TWIST2: variants seen among roughly 807,000 people sequenced by gnomAD.
TWIST2 encodes twist-related protein 2.
A neutral mutation model predicts 11.6 loss-of-function variants in TWIST2; 1 was observed. That is an observed-to-expected ratio of 0.09 (90% CI 0.03 to 0.41). The LOEUF is 0.41. Ranked by LOEUF, TWIST2 falls within the 10% of genes least tolerant of loss-of-function variation. TWIST2 has a pLI of 0.98. For missense variants in TWIST2, 168 were observed against 226.4 expected (o/e 0.74, Z 1.66); for synonymous variants, 87 against 96.6 (o/e 0.90, Z 0.58).
intron 1 of TWIST2, among the ~76,000 whole-genome samples, chr2:238,908,056 A>G (rs924686981): frequency 7.9e-4 from 110 of 139,974 alleles, no homozygotes; most frequent in African/African-American, 3.0e-3. Flanking sequence ...TACACACACA[A>G]AGTCACGCCA....
chr2:238,881,289 ATGTTAGTATCTATTAGTATTAG>A (rs1453420041), intron 1 of TWIST2, among the ~76,000 whole-genome samples: 1 of 144,262 alleles, frequency 6.9e-6, no homozygotes, highest in Non-Finnish European at 1.5e-5. Flanking sequence ...ATTAGTATTA[ATGTTAGTATCTATTAGTATTAG>A]TGTTAGTGTT....
chr2:238,908,127 T>C (rs1251202943), intron 1 of TWIST2, among the ~76,000 whole-genome samples: 1 of 134,974 alleles, frequency 7.4e-6, no homozygotes, highest in Non-Finnish European at 1.6e-5. Flanking sequence ...CACATACACA[T>C]AGATACCATA....
At chr2:238,909,542 G>A (rs1297748050) in intron 1 of TWIST2, among the ~76,000 whole-genome samples, 2 of 152,158 alleles carry the variant, frequency 1.3e-5, no homozygotes, top group African/African-American at 4.8e-5. Context: ...CTGAGCACGG[G>A]CCAGGGAGAG....
rs139565765 is a variant in TWIST2 at position 238,861,669 on chromosome 2, G to A, written c.*35+12936G>A. Among the ~76,000 whole-genome samples the A allele has an allele frequency of 6.7e-4, 102 of 152,302 alleles. 3 individuals carry two copies. In the East Asian group the frequency reaches 0.017, roughly 26 times the overall value. Reference sequence around the variant, plus strand: ...CCTTTTAGCACACCTGCCACCACCTGACTAACAGCAAAGCCAGGCTTCCTG... The same window carrying A: ...CCTTTTAGCACACCTGCCACCACCTAACTAACAGCAAAGCCAGGCTTCCTG... On this transcript the variant is annotated intron_variant, in intron 1 of 1. Transcript: ENST00000612363.
At chr2:238,853,395 G>A (rs1692274742) in intron 1 of TWIST2, among the ~76,000 whole-genome samples, 1 of 150,634 alleles carries the variant, frequency 6.6e-6, no homozygotes, top group Non-Finnish European at 1.5e-5. Context: ...GAGAGAGAGA[G>A]AGAGAGAGGG....
Position 238,866,153 on chromosome 2 carries a change from T to C in TWIST2, c.*35+17420T>C, listed in dbSNP as rs1574751574. ...CCCATTTCACCTGCTGCCAGCAGGA[T>C]GGCCAGGCCTGCCAGGCACCGCCCA... On this transcript the variant is annotated intron_variant, in intron 1 of 1. Transcript: ENST00000612363. The surrounding 1 kb of genome is among the most constrained non-coding windows in gnomAD (Gnocchi z 4.9). 6.6e-6 allele frequency among the ~76,000 whole-genome samples: 1 copy of C among 152,222 alleles called. No homozygotes were observed. The highest frequency in any genetic ancestry group is 1.9e-4 in the East Asian group (1 of 5,172).
At chr2:238,906,551 C>T (rs1282451005) in intron 1 of TWIST2, among the ~76,000 whole-genome samples, 2 of 152,038 alleles carry the variant, frequency 1.3e-5, no homozygotes, top group African/African-American at 2.4e-5. Flanking sequence ...CCAACTTACA[C>T]GATACACATG....
At chr2:238,871,588 CCA>C (rs765832962) in intron 1 of TWIST2, among the ~76,000 whole-genome samples, 5 of 131,390 alleles carry the variant, frequency 3.8e-5, no homozygotes, top group Non-Finnish European at 8.2e-5. Context: ...CTGACACACA[CCA>C]CACACACAGC....
At chr2:238,875,603 C>T (rs1294447384) in intron 1 of TWIST2, among the ~76,000 whole-genome samples, 3 of 152,106 alleles carry the variant, frequency 2.0e-5, no homozygotes, top group African/African-American at 7.2e-5. Flanking sequence ...GGTTGGCTTC[C>T]AGTGGGCTGG....
At chr2:238,861,377 C>T (rs535989737) in intron 1 of TWIST2, among the ~76,000 whole-genome samples, 1 of 152,186 alleles carries the variant, frequency 6.6e-6, no homozygotes, top group Non-Finnish European at 1.5e-5. Flanking sequence ...GGAGGCTCTA[C>T]CATGTCCAGC....
At chr2:238,884,188 C>T (rs371330875) in intron 1 of TWIST2, among the ~76,000 whole-genome samples, 14 of 152,316 alleles carry the variant, frequency 9.2e-5, no homozygotes, top group African/African-American at 2.2e-4. Flanking sequence ...AAGATGGGGT[C>T]GTTGGCTGCC....
intron 1 of TWIST2, among the ~76,000 whole-genome samples, chr2:238,902,493 AGTGTGAGTGATGTAG>A (rs1477090489): frequency 2.4e-5 from 3 of 126,476 alleles, no homozygotes; most frequent in African/African-American, 9.1e-5. Context: ...TGTGATGTGG[AGTGTGAGTGATGTAG>A]GTGTGGATGT....
intron 1 of TWIST2, among the ~76,000 whole-genome samples, chr2:238,869,146 G>C (rs547956957): frequency 1.3e-5 from 2 of 152,234 alleles, no homozygotes; most frequent in African/African-American, 4.8e-5. Context: ...TCCGAAGCGA[G>C]CAACGTGGAC....
intron 1 of TWIST2, among the ~76,000 whole-genome samples, chr2:238,880,548 GTATT>G (rs1375465925): frequency 2.2e-5 from 2 of 89,862 alleles, no homozygotes; most frequent in African/African-American, 4.2e-5. Context: ...GTTAGTGTTA[GTATT>G]TATTAGTATT....
At chr2:238,888,614 G>T (rs1379154224) in intron 1 of TWIST2, among the ~76,000 whole-genome samples, 1 of 152,186 alleles carries the variant, frequency 6.6e-6, no homozygotes, top group Non-Finnish European at 1.5e-5. Context: ...CATTAAAAAT[G>T]GCCATTTAAG....
At chr2:238,871,162 CCCA>C (rs1559274765) in intron 1 of TWIST2, among the ~76,000 whole-genome samples, 1 of 8,064 alleles carries the variant, frequency 1.2e-4, no homozygotes, top group Admixed American at 1.8e-3. Flanking sequence ...CACCACACAC[CCCA>C]CACACACACC....
At chr2:238,904,823 A>G (rs1693321822) in intron 1 of TWIST2, among the ~76,000 whole-genome samples, 1 of 151,914 alleles carries the variant, frequency 6.6e-6, no homozygotes, top group African/African-American at 2.4e-5. Context: ...AAGCGGAAGG[A>G]AGGGAGGGAA....
rs1486196819 is a variant in TWIST2, at chr2:238,858,932, T to C, written c.*35+10199T>C. ...AATTCAGCCATAAAAACAAATGAGG[T>C]TGGGCACAGTGGCTCACGCCTGTAA... On this transcript the variant is annotated intron_variant, in intron 1 of 1. Transcript: ENST00000612363. Among the ~76,000 whole-genome samples, 4 of 152,078 alleles carry C rather than the reference T, an allele frequency of 2.6e-5. No individual in the cohort carries two copies. The East Asian group carries it at 7.7e-4, about 29-fold the overall frequency.
intron 1 of TWIST2, among the ~76,000 whole-genome samples, chr2:238,849,930 C>T (rs1032252690): frequency 6.6e-6 from 1 of 152,208 alleles, no homozygotes; most frequent in Non-Finnish European, 1.5e-5. Context: ...GTTCCTCGCA[C>T]ATCTTGCGAT....
Sources: allele counts gnomAD v4.1 joint callset (sites outside exome capture counted in the v4.1 genomes callset), GRCh38; gene constraint gnomAD v4.1.1; non-coding constraint Gnocchi (gnomAD v3.1); transcripts MANE v1.5; gene names NCBI Gene and HGNC (gene_info 2026-07-23, HGNC 2026-07-21).